Variants in LRRC18 observed in about 807,000 individuals in gnomAD.
LRRC18 encodes leucine-rich repeat-containing protein 18.
Under a neutral mutation model 11.2 loss-of-function variants are expected in LRRC18, and 12 were observed. The observed-to-expected ratio is 1.07, with a 90% CI of 0.69 to 1.74. LRRC18 has a LOEUF of 1.74. Among genes scored for constraint, LRRC18 ranks in the 40% most tolerant of loss-of-function variants. The probability of loss-of-function intolerance (pLI) is 0.00; values close to 1 mark genes in which losing one functional copy is unlikely to be tolerated. For synonymous variants in LRRC18, 155 were observed against 130.6 expected (o/e 1.19, Z -1.27); for missense variants, 374 against 330.5 (o/e 1.13, Z -1.02).
the LRRC18 span, among the ~76,000 whole-genome samples, chr10:48,930,368 C>G: frequency 6.6e-6 from 1 of 152,208 alleles, no homozygotes; most frequent in East Asian, 1.9e-4. Flanking sequence ...TGTGTACCCT[C>G]TTGGAGACAG....
At chr10:48,918,134 G>A (rs998551106), upstream of LRRC18, among the ~76,000 whole-genome samples, 3 of 152,058 alleles carry the variant, frequency 2.0e-5, no homozygotes, top group Non-Finnish European at 2.9e-5. Context: ...GAATAAAACA[G>A]TTTAAAAATT....
At chr10:48,909,878 C>T (rs1053248661) in exon 2 of LRRC18, 1 of 218,348 alleles carries the variant, frequency 4.6e-6, no homozygotes, top group Non-Finnish European at 9.1e-6. Context: ...TCACAGACTA[C>T]TGGCATTGAG....
chr10:48,929,037 G>A, the LRRC18 span, among the ~76,000 whole-genome samples: 1 of 152,214 alleles, frequency 6.6e-6, no homozygotes, highest in African/African-American at 2.4e-5. Context: ...GAGACATAGA[G>A]ATTAGAAGAG....
intron 1 of LRRC18, chr10:48,910,805 G>C (rs1054936308): frequency 3.9e-6 from 2 of 511,600 alleles, no homozygotes; most frequent in East Asian, 3.0e-4. Flanking sequence ...GCAAGTAAGG[G>C]TGTTGAGGAC....
the LRRC18 span, among the ~76,000 whole-genome samples, chr10:48,936,183 G>C: frequency 6.6e-6 from 1 of 151,932 alleles, no homozygotes; most frequent in Non-Finnish European, 1.5e-5. Flanking sequence ...AAAATAAAAT[G>C]ACTTCAATTT....
chr10:48,927,092 G>A, the LRRC18 span, among the ~76,000 whole-genome samples: 4 of 152,188 alleles, frequency 2.6e-5, no homozygotes, highest in African/African-American at 4.8e-5. Flanking sequence ...TATCAGGGGC[G>A]GCTGTATGCA....
the LRRC18 span, among the ~76,000 whole-genome samples, chr10:48,921,757 C>A: frequency 6.6e-6 from 1 of 151,538 alleles, no homozygotes; most frequent in Non-Finnish European, 1.5e-5. Context: ...TTTTTAATGT[C>A]CAGAATATTT....
the LRRC18 span, among the ~76,000 whole-genome samples, chr10:48,922,419 G>T: frequency 6.6e-6 from 1 of 152,180 alleles, no homozygotes; most frequent in Non-Finnish European, 1.5e-5. Context: ...GTGAAAAGGT[G>T]AAAGTTCTTG....
chr10:48,934,107 G>A, the LRRC18 span, among the ~76,000 whole-genome samples: 4 of 152,312 alleles, frequency 2.6e-5, no homozygotes, highest in South Asian at 2.1e-4. Flanking sequence ...TCACAGCCCT[G>A]TCCTCCTAGA....
chr10:48,915,131 A>G (rs550220194), upstream of LRRC18, among the ~76,000 whole-genome samples: 8 of 152,342 alleles, frequency 5.3e-5, no homozygotes, highest in South Asian at 1.7e-3. Context: ...TTGTGAAAAC[A>G]GACACCCTTA....
upstream of LRRC18, among the ~76,000 whole-genome samples, chr10:48,914,549 C>A (rs946228170): frequency 7.9e-5 from 12 of 152,182 alleles, no homozygotes; most frequent in African/African-American, 2.2e-4. Flanking sequence ...CAACCCAGAG[C>A]CATGTGTGTG....
chr10:48,935,539 G>A, the LRRC18 span, among the ~76,000 whole-genome samples: 1 of 152,202 alleles, frequency 6.6e-6, no homozygotes, highest in African/African-American at 2.4e-5. Flanking sequence ...CACTTTAATA[G>A]CATTCATGAA....
At chr10:48,918,847 A>G (rs1838788501), upstream of LRRC18, among the ~76,000 whole-genome samples, 1 of 152,206 alleles carries the variant, frequency 6.6e-6, no homozygotes, top group East Asian at 1.9e-4. Context: ...CTGGTTGCCA[A>G]TAGCTGCCCA....
intron 1 of LRRC18, 115 bp downstream of exon 3, chr10:48,913,277 G>T: frequency 1.0e-6 from 1 of 974,644 alleles, no homozygotes; most frequent in Non-Finnish European, 1.5e-6. Flanking sequence ...TATGGGCTTG[G>T]CTGAAAGAGC....
At chr10:48,920,404 A>G in the LRRC18 span, among the ~76,000 whole-genome samples, 2 of 152,206 alleles carry the variant, frequency 1.3e-5, no homozygotes, top group Non-Finnish European at 2.9e-5. Context: ...ATTAGGAGAT[A>G]TACCTAATGT....
At chr10:48,934,761 G>T in the LRRC18 span, among the ~76,000 whole-genome samples, 1 of 152,170 alleles carries the variant, frequency 6.6e-6, no homozygotes, top group Non-Finnish European at 1.5e-5. Context: ...TTCCTTAGAG[G>T]GGTGACTGGT....
chr10:48,929,580 C>G, the LRRC18 span, among the ~76,000 whole-genome samples: 2 of 152,238 alleles, frequency 1.3e-5, no homozygotes, highest in African/African-American at 4.8e-5. Context: ...TACACTCACT[C>G]TCCTGGTAAG....
At chr10:48,934,681 C>G in the LRRC18 span, among the ~76,000 whole-genome samples, 1 of 152,240 alleles carries the variant, frequency 6.6e-6, no homozygotes, top group Non-Finnish European at 1.5e-5. Flanking sequence ...AACCCCATTA[C>G]AGTAAGCGGT....
chr10:48,928,129 C>T, the LRRC18 span, among the ~76,000 whole-genome samples: 4 of 152,160 alleles, frequency 2.6e-5, no homozygotes, highest in Non-Finnish European at 5.9e-5. Context: ...TCTCCTCCCG[C>T]AGATTAGGAA....
Sources: allele counts gnomAD v4.1 joint callset (sites outside exome capture counted in the v4.1 genomes callset), GRCh38; gene constraint gnomAD v4.1.1; transcripts MANE v1.5; gene names NCBI Gene and HGNC (gene_info 2026-07-23, HGNC 2026-07-21).